CDH13: variants seen among roughly 807,000 people sequenced by gnomAD.
The protein encoded by CDH13 is cadherin 13, also known as cadherin-13.
A neutral mutation model predicts 63.8 loss-of-function variants in CDH13; 24 were observed. That is an observed-to-expected ratio of 0.38 (90% CI 0.27 to 0.53). The LOEUF (loss-of-function observed/expected upper bound fraction) is 0.53. Among genes scored for constraint, CDH13 ranks in the 20% least tolerant of loss-of-function variants. The pLI is 0.85. For synonymous variants in CDH13, 503 were observed against 355.3 expected (o/e 1.42, Z -4.67); for missense variants, 1,049 against 903.1 (o/e 1.16, Z -2.07).
intron 4 of CDH13, among the ~76,000 whole-genome samples, chr16:83,130,598 A>G (rs545087177): frequency 2.0e-5 from 3 of 152,258 alleles, no homozygotes; most frequent in African/African-American, 7.2e-5. Flanking sequence ...GTTGGTGAAC[A>G]TATGGGTACT....
At chr16:83,532,315 C>G (rs377505674) in intron 7 of CDH13, among the ~76,000 whole-genome samples, 60 of 152,294 alleles carry the variant, frequency 3.9e-4, no homozygotes, top group African/African-American at 1.3e-3. Flanking sequence ...TGTCACCACC[C>G]TCACCCCAAG....
chr16:83,746,368 G>T (rs1912585104), intron 10 of CDH13, among the ~76,000 whole-genome samples: 2 of 152,048 alleles, frequency 1.3e-5, no homozygotes, highest in African/African-American at 4.8e-5. Context: ...AATCTCCTCT[G>T]CCTCCCCCTG....
At chr16:83,188,059 G>A (rs965680414) in intron 4 of CDH13, among the ~76,000 whole-genome samples, 9 of 152,198 alleles carry the variant, frequency 5.9e-5, no homozygotes, top group Non-Finnish European at 1.2e-4. Context: ...GGGAATGTTA[G>A]ATAGGAGAAA....
Position 82,732,740 on chromosome 16 carries a change from C to T in CDH13, c.45+105603C>T, listed in dbSNP as rs374629039. Among the ~76,000 whole-genome samples the T allele has an allele frequency of 3.9e-5, 6 of 152,300 alleles. No homozygotes were observed. The South Asian group carries it at 1.2e-3, about 32-fold the overall frequency. On this transcript the variant is annotated intron_variant, in intron 1 of 13. Coordinates refer to ENST00000567109, the MANE Select transcript of CDH13 (RefSeq NM_001257.5). The stretch of plus-strand genomic sequence containing the variant: ...TTCCAAAGGCTTACTATTATTCATA[C>T]ATATTTACTATGGTAAATAGCTCAT...
intron 1 of CDH13, among the ~76,000 whole-genome samples, chr16:82,791,954 C>CT (rs2036327887): frequency 6.6e-6 from 1 of 152,122 alleles, no homozygotes; most frequent in Non-Finnish European, 1.5e-5. Flanking sequence ...CTTGGGAGCT[C>CT]TAAGAACAAA....
At chr16:82,893,099 T>C (rs547927437) in intron 2 of CDH13, among the ~76,000 whole-genome samples, 33 of 152,340 alleles carry the variant, frequency 2.2e-4, no homozygotes, top group Non-Finnish European at 4.1e-4. Flanking sequence ...ACAACCATGA[T>C]TCCTGAATTC....
At chr16:82,791,179 G>A (rs540427237) in intron 1 of CDH13, among the ~76,000 whole-genome samples, 1 of 150,036 alleles carries the variant, frequency 6.7e-6, no homozygotes, top group Non-Finnish European at 1.5e-5. Flanking sequence ...GGAGCTTGCC[G>A]TGAGCAGAGA....
At chr16:83,058,496 T>C (rs1010665456) in intron 3 of CDH13, among the ~76,000 whole-genome samples, 1 of 152,134 alleles carries the variant, frequency 6.6e-6, no homozygotes, top group African/African-American at 2.4e-5. Context: ...GACAGGGGCG[T>C]CGTTTATTCT....
In CDH13 at chr16:82,912,097, T is replaced by C. The variant is rs114606080; in HGVS notation, c.157+53624T>C. Among the ~76,000 whole-genome samples the C allele has an allele frequency of 9.7e-3, 1,482 of 152,122 alleles. 19 individuals are homozygous for C. The highest frequency in any genetic ancestry group is 0.034 in the African/African-American group (1,419 of 41,488). On this transcript the variant is annotated intron_variant, in intron 2 of 13. Transcript: ENST00000567109. ...TCTCTTCAGCCATCCCATCCCGCCA[T>C]CACCATGGAAACCTGTGGGAACAGC...
intron 2 of CDH13, among the ~76,000 whole-genome samples, chr16:82,883,412 C>T (rs1302277909): frequency 1.3e-5 from 2 of 152,200 alleles, no homozygotes; most frequent in East Asian, 3.9e-4. Flanking sequence ...GGAACGTGTG[C>T]AAATGCAGAT....
intron 6 of CDH13, among the ~76,000 whole-genome samples, chr16:83,483,521 A>G (rs1023800874): frequency 3.3e-5 from 5 of 151,134 alleles, no homozygotes; most frequent in Non-Finnish European, 5.9e-5. Context: ...GTTGCAAGCC[A>G]TGATGACTTC....
intron 1 of CDH13, among the ~76,000 whole-genome samples, chr16:82,747,035 C>G (rs2034206855): frequency 6.6e-6 from 1 of 152,184 alleles, no homozygotes; most frequent in South Asian, 2.1e-4. Context: ...CTCTTCTATT[C>G]AGGCATTTTC....
chr16:83,379,938 T>TATATATATATATAGAGAGAGAGAG, intron 6 of CDH13, among the ~76,000 whole-genome samples: 146 of 123,438 alleles, frequency 1.2e-3, no homozygotes, highest in Non-Finnish European at 1.6e-3. Context: ...TATATATATA[T>TATATATATATATAGAGAGAGAGAG]AGAGAGAGAG....
At chr16:83,080,323 C>T (rs1168556056) in intron 3 of CDH13, among the ~76,000 whole-genome samples, 1 of 152,110 alleles carries the variant, frequency 6.6e-6, no homozygotes, top group East Asian at 1.9e-4. Flanking sequence ...AATTGAGACA[C>T]CTGTGTATGA....
intron 2 of CDH13, among the ~76,000 whole-genome samples, chr16:82,945,361 G>A (rs564565028): frequency 6.6e-6 from 1 of 152,282 alleles, no homozygotes; most frequent in Non-Finnish European, 1.5e-5. Context: ...AGTTGGTCAA[G>A]CCTCAGTGTA....
chr16:83,129,012 T>C (rs1254378839), intron 4 of CDH13, among the ~76,000 whole-genome samples: 1 of 152,270 alleles, frequency 6.6e-6, no homozygotes, highest in East Asian at 1.9e-4. Context: ...TTTATGCCTT[T>C]GAAGGTACGT....
intron 10 of CDH13, among the ~76,000 whole-genome samples, chr16:83,700,516 A>G (rs1906057786): frequency 1.3e-5 from 2 of 152,242 alleles, no homozygotes; most frequent in African/African-American, 4.8e-5. Flanking sequence ...AGTGGGAATC[A>G]GGAAAACATG....
chr16:83,721,785 C>G (rs542278651), intron 10 of CDH13: 13 of 152,370 alleles, frequency 8.5e-5, no homozygotes, highest in African/African-American at 3.1e-4. Flanking sequence ...TTTAGCAGGG[C>G]TAGCAGGACT....
At chr16:83,618,924 A>G (rs1156556699) in intron 8 of CDH13, among the ~76,000 whole-genome samples, 4 of 152,098 alleles carry the variant, frequency 2.6e-5, no homozygotes, top group Admixed American at 6.6e-5. Context: ...GGATTAATAT[A>G]TTCATTTCTT....
Sources: gnomAD v4.1 joint callset for allele counts (sites outside exome capture counted in the v4.1 genomes callset) on GRCh38, gnomAD v4.1.1 for gene constraint, MANE v1.5 for transcripts, NCBI Gene and HGNC (gene_info 2026-07-23, HGNC 2026-07-21) for gene names.